The following PNPLA8 variants were observed in gnomAD, a reference collection of about 807,000 sequenced individuals.
PNPLA8 encodes calcium-independent phospholipase A2-gamma.
PNPLA8 carries 39 observed loss-of-function variants against 76.9 expected under a neutral mutation model. The observed-to-expected ratio is 0.51, with a 90% CI of 0.39 to 0.66. The LOEUF (loss-of-function observed/expected upper bound fraction) is 0.66, where lower values mean the gene tolerates loss of function less well. Among genes scored for constraint, PNPLA8 ranks in the 30% least tolerant of loss-of-function variants. PNPLA8 has a pLI of 0.00. For missense variants in PNPLA8, 887 were observed against 918.0 expected (o/e 0.97, Z 0.44); for synonymous variants, 301 against 307.9 (o/e 0.98, Z 0.24).
intron 8 of PNPLA8, among the ~76,000 whole-genome samples, chr7:108,490,139 TATC>T (rs1369205866): frequency 6.6e-6 from 1 of 152,226 alleles, no homozygotes; most frequent in Non-Finnish European, 1.5e-5. Context: ...TAAGTATTCT[TATC>T]ATTGTGTCAC....
intron 10 of PNPLA8, among the ~76,000 whole-genome samples, chr7:108,477,973 G>C (rs982790788): frequency 2.6e-5 from 4 of 152,204 alleles, no homozygotes; most frequent in Admixed American, 6.5e-5. Flanking sequence ...AACTGGGTAA[G>C]TCAAAGTAAA....
chr7:108,486,251 G>A (rs1342531052), intron 9 of PNPLA8, among the ~76,000 whole-genome samples: 4 of 151,918 alleles, frequency 2.6e-5, no homozygotes, highest in African/African-American at 7.2e-5. Flanking sequence ...TTCACTAATT[G>A]GCATAACTGC....
Position 108,471,660 on chromosome 7 carries a change from A to G in PNPLA8, c.*741T>C, listed in dbSNP as rs1598852219. On this transcript the variant is annotated 3_prime_UTR_variant, in exon 11 of 11. Transcript: ENST00000257694. Reference sequence around the variant, plus strand: ...ATAGTTTATTTTTGTTAATGATAGGAATATCTCCTCAGTAAGTTCAAACCA... The same window carrying G: ...ATAGTTTATTTTTGTTAATGATAGGGATATCTCCTCAGTAAGTTCAAACCA... 6.6e-6 allele frequency: 1 copy of G among 152,344 alleles called. No individual in the cohort carries two copies. Among genetic ancestry groups the G allele is most frequent in the Non-Finnish European group, 1.5e-5 (1 of 68,028 alleles). 9.4% of individuals were successfully genotyped at this position (152,344 alleles called of 1,614,324 possible).
At chr7:108,501,395 T>C (rs951790461) in intron 5 of PNPLA8, among the ~76,000 whole-genome samples, 1 of 152,208 alleles carries the variant, frequency 6.6e-6, no homozygotes, top group Non-Finnish European at 1.5e-5. Flanking sequence ...AAAGAAAGAA[T>C]TTATTTCTTA....
At chr7:108,512,964 G>C (rs1462527616) in intron 4 of PNPLA8, among the ~76,000 whole-genome samples, 1 of 152,154 alleles carries the variant, frequency 6.6e-6, no homozygotes, top group Non-Finnish European at 1.5e-5. Flanking sequence ...AAAAGAGGTT[G>C]AAGTGAGCCA....
intron 9 of PNPLA8, among the ~76,000 whole-genome samples, chr7:108,484,528 T>G (rs964078474): frequency 6.6e-6 from 1 of 152,074 alleles, no homozygotes; most frequent in Non-Finnish European, 1.5e-5. Flanking sequence ...ATCTCAGCAC[T>G]ACAATCTATT....
Position 108,514,889 on chromosome 7 carries a change from T to C in PNPLA8, c.603A>G (p.Gly201=). 1 of 1,608,486 alleles carries C rather than the reference T, an allele frequency of 6.2e-7. No homozygotes were observed. The highest frequency in any genetic ancestry group is 1.1e-5 in the South Asian group (1 of 90,522). The change falls in exon 3 of 11, where the codon GGA becomes GGG. Residue 201 remains glycine (G), a synonymous_variant. Transcript: ENST00000257694. ...HYTSSITTKF[G]DSFYFLSNHI... is the part of the protein sequence containing the mutation. The stretch of plus-strand genomic sequence containing the variant: ...GATTTGATAAAAAGTAGAATGAGTC[T>C]CCAAATTTTGTGGTTATAGAACTTG...
intron 5 of PNPLA8, among the ~76,000 whole-genome samples, chr7:108,499,961 C>T (rs1446587461): frequency 6.6e-6 from 1 of 152,138 alleles, no homozygotes; most frequent in Non-Finnish European, 1.5e-5. Flanking sequence ...AAGTCTTGGT[C>T]CTGAGCATTC....
chr7:108,520,894 C>T (rs1863687813), intron 2 of PNPLA8, among the ~76,000 whole-genome samples: 1 of 151,762 alleles, frequency 6.6e-6, no homozygotes, highest in Non-Finnish European at 1.5e-5. Context: ...CTTTATCTGG[C>T]AATTTAAAAA....
At position 108,510,298 on chromosome 7, in the gene PNPLA8, G is replaced by T. The variant is rs190142496; in HGVS notation, c.1206+3846C>A. The T allele has an allele frequency of 1.8e-4, 283 of 1,588,378 alleles. No individual in the cohort carries two copies. In the African/African-American group the frequency reaches 3.4e-3, roughly 19 times the overall value. ...CAGAAACCCTTAAGAAAAAGCGAAG[G>T]AATTTCTCAGAGCTGAAGATGAAGC... On this transcript the variant is annotated intron_variant, in intron 4 of 10. Transcript: ENST00000257694.
chr7:108,477,330 A>C (rs551302476), intron 10 of PNPLA8, among the ~76,000 whole-genome samples: 2 of 152,342 alleles, frequency 1.3e-5, no homozygotes, highest in Admixed American at 6.5e-5. Context: ...TCTGGCAACA[A>C]AATTTCAGAT....
intron 4 of PNPLA8, among the ~76,000 whole-genome samples, chr7:108,503,308 TAG>T (rs1464170531): frequency 6.6e-6 from 1 of 152,228 alleles, no homozygotes; most frequent in East Asian, 1.9e-4. Context: ...GCATCTTACA[TAG>T]TCAGTACCGC....
rs761296873 is a variant in PNPLA8, at chr7:108,472,616, C to T, written c.2134G>A (p.Val712Ile). The change falls in exon 11 of 11, where the codon GTA (valine) becomes ATA (isoleucine). Residue 712 changes from valine (V) to isoleucine (I), a missense_variant. By Grantham distance (29) the Val-to-Ile change is conservative. Coordinates refer to ENST00000257694, the MANE Select transcript of PNPLA8 (RefSeq NM_001256007.3). ...PPDTYFRFNP[V>I]MCENIPLDES... Reference sequence around the variant, plus strand: ...TCTAGAGGTATGTTTTCACACATTACAGGATTGAATCTAAAATAGGTGTCA... The same window carrying T: ...TCTAGAGGTATGTTTTCACACATTATAGGATTGAATCTAAAATAGGTGTCA... The T allele has an allele frequency of 2.2e-5, 35 of 1,605,006 alleles. No individual in the cohort carries two copies. The highest frequency in any genetic ancestry group is 2.6e-5 in the Non-Finnish European group (31 of 1,177,642).
intron 9 of PNPLA8, among the ~76,000 whole-genome samples, chr7:108,483,658 A>C (rs1197470801): frequency 6.6e-6 from 1 of 152,222 alleles, no homozygotes; most frequent in African/African-American, 2.4e-5. Context: ...CCAGTTGAAA[A>C]GAACTATTTT....
chr7:108,483,404 T>G (rs1236548282), intron 9 of PNPLA8, among the ~76,000 whole-genome samples: 3 of 152,242 alleles, frequency 2.0e-5, no homozygotes, highest in Non-Finnish European at 4.4e-5. Context: ...CATTTTAGCA[T>G]GGGTGGTTTG....
intron 1 of PNPLA8, among the ~76,000 whole-genome samples, chr7:108,521,806 T>C (rs1431007996): frequency 6.6e-6 from 1 of 151,972 alleles, no homozygotes; most frequent in East Asian, 1.9e-4. Flanking sequence ...GGGGAAAAAA[T>C]AGAATGATAA....
chr7:108,477,920 T>G (rs1170267839), intron 10 of PNPLA8, among the ~76,000 whole-genome samples: 2 of 152,004 alleles, frequency 1.3e-5, no homozygotes, highest in African/African-American at 4.8e-5. Context: ...CAACATACAC[T>G]CACTGAATGC....
At chr7:108,487,689 G>T in intron 9 of PNPLA8, 70 bp downstream of exon 9, 3 of 874,520 alleles carry the variant, frequency 3.4e-6, no homozygotes, top group South Asian at 2.2e-5. Context: ...GAAGATCAAT[G>T]ACATTTAATA....
chr7:108,511,040 GAAAAAAAAAA>G, intron 4 of PNPLA8: 2 of 365,632 alleles, frequency 5.5e-6, no homozygotes, highest in South Asian at 5.5e-5. Flanking sequence ...TCTCAAATTG[GAAAAAAAAAA>G]AAAAAAAAAG....
Sources: gnomAD v4.1 joint callset for allele counts (sites outside exome capture counted in the v4.1 genomes callset) on GRCh38, gnomAD v4.1.1 for gene constraint, MANE v1.5 for transcripts, NCBI Gene and HGNC (gene_info 2026-07-23, HGNC 2026-07-21) for gene names.